Variants in ERC2 observed in about 807,000 individuals in gnomAD.
ERC2 encodes ERC protein 2.
Under a neutral mutation model 114.8 loss-of-function variants are expected in ERC2, and 42 were observed. The observed-to-expected ratio is 0.37, with a 90% CI of 0.29 to 0.47. ERC2 has a LOEUF of 0.47. Among genes scored for constraint, ERC2 ranks in the 20% least tolerant of loss-of-function variants. The probability of loss-of-function intolerance (pLI) is 0.99; values close to 1 mark genes in which losing one functional copy is unlikely to be tolerated. For missense variants in ERC2, 939 were observed against 1,150.7 expected (o/e 0.82, Z 2.66); for synonymous variants, 454 against 425.5 (o/e 1.07, Z -0.82).
chr3:55,539,315 G>C lies in ERC2; in HGVS notation c.*40-28039C>G, dbSNP rs78307477. 1.3e-3 allele frequency among the ~76,000 whole-genome samples: 203 copies of C among 151,106 alleles called. 1 individual carries two copies. Among genetic ancestry groups the C allele is most frequent in the Non-Finnish European group, 2.1e-3 (144 of 67,842 alleles). Reference sequence around the variant, plus strand: ...AATCCACTTGGTCAAATACATCTGAGAAATAGCATATATTTTATCCATGCT... The same window carrying C: ...AATCCACTTGGTCAAATACATCTGACAAATAGCATATATTTTATCCATGCT... On this transcript the variant is annotated intron_variant, in intron 17 of 17. Coordinates refer to ENST00000288221, the MANE Select transcript of ERC2 (RefSeq NM_015576.3).
At chr3:55,796,949 T>G (rs547381767) in intron 14 of ERC2, among the ~76,000 whole-genome samples, 14 of 152,284 alleles carry the variant, frequency 9.2e-5, no homozygotes, top group African/African-American at 3.4e-4. Flanking sequence ...CCCACATATG[T>G]GAGAGCAAGT....
chr3:56,071,524 T>G (rs902908286), intron 7 of ERC2, among the ~76,000 whole-genome samples: 2 of 152,162 alleles, frequency 1.3e-5, no homozygotes, highest in African/African-American at 4.8e-5. Flanking sequence ...ACATGTCTTT[T>G]AAAATCAAAT....
chr3:55,909,534 T>G (rs2064675177), intron 13 of ERC2, among the ~76,000 whole-genome samples: 1 of 108,086 alleles, frequency 9.3e-6, no homozygotes, highest in Non-Finnish European at 2.0e-5. Context: ...ACAGAAGGGG[T>G]TTGAAGTGCA....
chr3:55,618,217 A>C (rs1338164974), intron 17 of ERC2, among the ~76,000 whole-genome samples: 1 of 152,160 alleles, frequency 6.6e-6, no homozygotes, highest in Admixed American at 6.5e-5. Flanking sequence ...ATTGGAGTTA[A>C]ATTGGAAAAG....
intron 4 of ERC2, among the ~76,000 whole-genome samples, chr3:56,154,387 T>C (rs958116353): frequency 3.9e-5 from 6 of 152,136 alleles, no homozygotes; most frequent in African/African-American, 1.4e-4. Context: ...ACAGAAAAGG[T>C]TGGACTAGAT....
At chr3:55,913,265 T>G (rs1324174282) in intron 13 of ERC2, among the ~76,000 whole-genome samples, 1 of 152,204 alleles carries the variant, frequency 6.6e-6, no homozygotes, top group Non-Finnish European at 1.5e-5. Context: ...CTAGTTCATT[T>G]TTTCATGGCC....
chr3:55,979,662 A>C (rs1391731473), intron 12 of ERC2, among the ~76,000 whole-genome samples: 1 of 152,136 alleles, frequency 6.6e-6, no homozygotes, highest in Non-Finnish European at 1.5e-5. Flanking sequence ...CTGGATGAGA[A>C]CGTCAATCTG....
At chr3:55,591,697 C>T (rs754900013) in intron 17 of ERC2, among the ~76,000 whole-genome samples, 3 of 152,014 alleles carry the variant, frequency 2.0e-5, no homozygotes, top group Admixed American at 6.6e-5. Flanking sequence ...GAGTGGGTCC[C>T]GGGGGTCTCC....
intron 14 of ERC2, among the ~76,000 whole-genome samples, chr3:55,842,590 T>C (rs1211805504): frequency 6.6e-6 from 1 of 152,142 alleles, no homozygotes; most frequent in Non-Finnish European, 1.5e-5. Flanking sequence ...TCTGGTTAAA[T>C]ATAGGTTGCT....
chr3:56,440,441 G>C (rs964602437), intron 1 of ERC2, among the ~76,000 whole-genome samples: 1 of 151,858 alleles, frequency 6.6e-6, no homozygotes, highest in Non-Finnish European at 1.5e-5. Flanking sequence ...CCAGCTACTC[G>C]GGAGGCTGAG....
chr3:56,186,882 C>T (rs2150058786), intron 3 of ERC2, among the ~76,000 whole-genome samples: 1 of 152,278 alleles, frequency 6.6e-6, no homozygotes, highest in African/African-American at 2.4e-5. Context: ...GTGCTATTAG[C>T]AACCCCTGGG....
At chr3:55,738,474 C>T (rs753860119) in intron 14 of ERC2, among the ~76,000 whole-genome samples, 33 of 152,146 alleles carry the variant, frequency 2.2e-4, no homozygotes, top group Non-Finnish European at 1.5e-4. Flanking sequence ...GGTTCAAAAT[C>T]TTAGCAGGTA....
At chr3:56,004,144 A>G (rs560807020) in intron 10 of ERC2, among the ~76,000 whole-genome samples, 1 of 152,178 alleles carries the variant, frequency 6.6e-6, no homozygotes, top group African/African-American at 2.4e-5. Flanking sequence ...AGCATAAATC[A>G]TATTTTGAAT....
At chr3:56,431,336 A>T (rs1204821500) in intron 2 of ERC2, among the ~76,000 whole-genome samples, 1 of 152,158 alleles carries the variant, frequency 6.6e-6, no homozygotes, top group African/African-American at 2.4e-5. Flanking sequence ...AGAGGACTCC[A>T]CCTCACACTC....
chr3:56,181,880 C>T (rs546425824), intron 3 of ERC2, among the ~76,000 whole-genome samples: 1 of 152,084 alleles, frequency 6.6e-6, no homozygotes, highest in Non-Finnish European at 1.5e-5. Flanking sequence ...TGCCAAAAGC[C>T]CTGCGAATGA....
intron 4 of ERC2, among the ~76,000 whole-genome samples, chr3:56,171,180 G>C (rs868386032): frequency 1.3e-5 from 2 of 152,282 alleles, no homozygotes; most frequent in South Asian, 4.1e-4. Flanking sequence ...GGGTCAGTTC[G>C]ATTTGGTAGT....
chr3:55,601,084 A>AG (rs1460199845), intron 17 of ERC2, among the ~76,000 whole-genome samples: 8 of 152,240 alleles, frequency 5.3e-5, no homozygotes, highest in Admixed American at 6.5e-5. Context: ...GGCAGATGTG[A>AG]GGAAGGCCAC....
In ERC2 at chr3:55,631,160, GT is replaced by G. The variant is rs753954396; in HGVS notation, c.*39+52633del. The stretch of plus-strand genomic sequence containing the variant: ...ATTGCGAGTAAATTAAGTATTTGGG[GT>G]TTTTTTTTTCCCCAAGCAATGGGAA... On this transcript the variant is annotated intron_variant, in intron 17 of 17. Coordinates refer to ENST00000288221, the MANE Select transcript of ERC2 (RefSeq NM_015576.3). Among the ~76,000 whole-genome samples the G allele has an allele frequency of 3.3e-3, 490 of 149,826 alleles. 6 individuals carry two copies. The highest frequency in any genetic ancestry group is 0.02 in the East Asian group (103 of 5,100).
chr3:55,900,007 C>A (rs951206536), intron 13 of ERC2, among the ~76,000 whole-genome samples: 2 of 152,134 alleles, frequency 1.3e-5, no homozygotes, highest in African/African-American at 4.8e-5. Flanking sequence ...GGCCCTCTGG[C>A]GGCAGTTACA....
Sources: gnomAD v4.1 joint callset for allele counts (sites outside exome capture counted in the v4.1 genomes callset) on GRCh38, gnomAD v4.1.1 for gene constraint, MANE v1.5 for transcripts, NCBI Gene and HGNC (gene_info 2026-07-23, HGNC 2026-07-21) for gene names.